PRMT8: variants seen among roughly 807,000 people sequenced by gnomAD.
The protein encoded by PRMT8 is protein arginine N-methyltransferase 8.
Under a neutral mutation model 47.1 loss-of-function variants are expected in PRMT8, and 7 were observed. That is an observed-to-expected ratio of 0.15 (90% CI 0.08 to 0.28). The LOEUF (loss-of-function observed/expected upper bound fraction) is 0.28, where lower values mean the gene tolerates loss of function less well. Among genes scored for constraint, PRMT8 ranks in the 10% least tolerant of loss-of-function variants. The pLI is 1.00. For missense variants in PRMT8, 237 were observed against 505.4 expected (o/e 0.47, Z 5.09); for synonymous variants, 188 against 186.5 (o/e 1.01, Z -0.07).
At chr12:3,428,488 G>T (rs1048645378) in intron 1 of PRMT8, among the ~76,000 whole-genome samples, 18 of 152,264 alleles carry the variant, frequency 1.2e-4, no homozygotes, top group African/African-American at 3.9e-4. Flanking sequence ...TGATAGGAAG[G>T]CTACAGGTTG....
chr12:3,459,390 G>T (rs1332735219), intron 1 of PRMT8, among the ~76,000 whole-genome samples: 1 of 152,024 alleles, frequency 6.6e-6, no homozygotes, highest in African/African-American at 2.4e-5. Context: ...CGATTTCCTC[G>T]ATCGAGGGGA....
intron 1 of PRMT8, among the ~76,000 whole-genome samples, chr12:3,480,338 C>T (rs1267170956): frequency 6.6e-6 from 1 of 152,222 alleles, no homozygotes; most frequent in Non-Finnish European, 1.5e-5. Context: ...AGTACTTCTT[C>T]CTTCTTCCCC....
chr12:3,406,716 G>A (rs1310062728), intron 1 of PRMT8, among the ~76,000 whole-genome samples: 1 of 152,172 alleles, frequency 6.6e-6, no homozygotes, highest in Non-Finnish European at 1.5e-5. Context: ...ATCACTATCA[G>A]CATTTCAGTC....
chr12:3,562,672 G>A (rs2137196051), intron 4 of PRMT8, among the ~76,000 whole-genome samples: 1 of 152,294 alleles, frequency 6.6e-6, no homozygotes, highest in South Asian at 2.1e-4. Context: ...TGTGTCGTTA[G>A]CTTGAAATTG....
At chr12:3,515,494 AC>A (rs1865777105) in intron 1 of PRMT8, among the ~76,000 whole-genome samples, 2 of 152,220 alleles carry the variant, frequency 1.3e-5, no homozygotes, top group Admixed American at 6.5e-5. Context: ...GTGCACATGT[AC>A]CCTAAAACTT....
chr12:3,454,219 T>C (rs766304699), intron 1 of PRMT8, among the ~76,000 whole-genome samples: 3 of 152,160 alleles, frequency 2.0e-5, no homozygotes, highest in African/African-American at 7.2e-5. Context: ...GCTTCTGTTT[T>C]GCCTTCTCCT....
At chr12:3,524,446 C>T (rs534966828) in intron 1 of PRMT8, among the ~76,000 whole-genome samples, 36 of 152,154 alleles carry the variant, frequency 2.4e-4, no homozygotes, top group African/African-American at 8.2e-4. Context: ...CCCCTCTTCC[C>T]CGCCCCTTAG....
At chr12:3,403,101 A>G (rs1215070262) in intron 1 of PRMT8, among the ~76,000 whole-genome samples, 4 of 152,238 alleles carry the variant, frequency 2.6e-5, no homozygotes, top group Admixed American at 6.5e-5. Context: ...TAAAGAAAAT[A>G]TGCTACAGAT....
At chr12:3,558,948 G>GGC (rs1276847106) in intron 4 of PRMT8, among the ~76,000 whole-genome samples, 2 of 112,638 alleles carry the variant, frequency 1.8e-5, no homozygotes, top group African/African-American at 8.3e-5. Context: ...ACATTTATCT[G>GGC]TCTATCTATC....
intron 1 of PRMT8, among the ~76,000 whole-genome samples, chr12:3,393,855 ATTC>A (rs1864220504): frequency 1.6e-5 from 2 of 128,444 alleles, no homozygotes; most frequent in Admixed American, 8.1e-5. Context: ...AGCATGGAAT[ATTC>A]TTCCATTTGT....
At chr12:3,560,927 A>G (rs1025990346) in intron 4 of PRMT8, among the ~76,000 whole-genome samples, 1 of 152,208 alleles carries the variant, frequency 6.6e-6, no homozygotes, top group Non-Finnish European at 1.5e-5. Context: ...TGCCTGATAT[A>G]GGGCCTCACA....
chr12:3,582,661 C>T (rs893535277), intron 7 of PRMT8, among the ~76,000 whole-genome samples: 3 of 152,134 alleles, frequency 2.0e-5, no homozygotes, highest in Non-Finnish European at 4.4e-5. Context: ...TTTCAGGGAC[C>T]ACATTTTAAG....
chr12:3,403,092 A>G (rs1205780868), intron 1 of PRMT8, among the ~76,000 whole-genome samples: 1 of 152,258 alleles, frequency 6.6e-6, no homozygotes, highest in Non-Finnish European at 1.5e-5. Context: ...TAGACTGGAT[A>G]AAGAAAATAT....
At chr12:3,542,284 G>A (rs984727086) in intron 2 of PRMT8, among the ~76,000 whole-genome samples, 1 of 152,170 alleles carries the variant, frequency 6.6e-6, no homozygotes, top group Non-Finnish European at 1.5e-5. Context: ...CCTGTGTTCG[G>A]TCCAGAAGGT....
chr12:3,451,569 G>A lies in PRMT8; in HGVS notation c.48+70127G>A, dbSNP rs147265660. 1.4e-3 allele frequency among the ~76,000 whole-genome samples: 212 copies of A among 152,248 alleles called. 1 individual carries two copies. Among genetic ancestry groups the A allele is most frequent in the African/African-American group, 4.6e-3 (191 of 41,552 alleles). ...TTCAGGAGGCTGCCTATTTTCTCTG[G>A]TTGCTTGACCTACAAGGACTCAAAC... is the stretch of plus-strand genomic sequence containing the variant. On this transcript the variant is annotated intron_variant, in intron 1 of 9. Coordinates refer to the PRMT8 transcript ENST00000452611.
At chr12:3,536,338 G>T (rs1435987404) in intron 1 of PRMT8, among the ~76,000 whole-genome samples, 2 of 152,162 alleles carry the variant, frequency 1.3e-5, no homozygotes, top group Non-Finnish European at 2.9e-5. Context: ...TTGTCCCCAT[G>T]ACCTGTGGCT....
chr12:3,400,617 C>A (rs1864306049), intron 1 of PRMT8, among the ~76,000 whole-genome samples: 1 of 152,112 alleles, frequency 6.6e-6, no homozygotes, highest in African/African-American at 2.4e-5. Context: ...TGAAACTATT[C>A]CAAAATATTG....
chr12:3,496,372 A>G (rs941467276), intron 1 of PRMT8, among the ~76,000 whole-genome samples: 2 of 151,024 alleles, frequency 1.3e-5, no homozygotes, highest in Non-Finnish European at 2.9e-5. Flanking sequence ...TGCATGGTGT[A>G]TCTTGGTGGT....
At chr12:3,424,955 C>T (rs1864586667) in intron 1 of PRMT8, among the ~76,000 whole-genome samples, 2 of 152,184 alleles carry the variant, frequency 1.3e-5, no homozygotes, top group East Asian at 1.9e-4. Context: ...TGGAGCAGGG[C>T]TCATCATCTT....
Sources: gnomAD v4.1 joint callset for allele counts (sites outside exome capture counted in the v4.1 genomes callset) on GRCh38, gnomAD v4.1.1 for gene constraint, MANE v1.5 for transcripts, NCBI Gene and HGNC (gene_info 2026-07-23, HGNC 2026-07-21) for gene names.